DSCAML1: variants seen among roughly 807,000 people sequenced by gnomAD.
The protein encoded by DSCAML1 is cell adhesion molecule DSCAML1.
A neutral mutation model predicts 200.5 loss-of-function variants in DSCAML1; 38 were observed. The ratio of observed to expected loss-of-function variants is 0.19; its 90% CI spans 0.15 to 0.25. The LOEUF is 0.25. Ranked by LOEUF, DSCAML1 falls within the 10% of genes least tolerant of loss-of-function variation. The probability of loss-of-function intolerance (pLI) is 1.00; values close to 1 mark genes in which losing one functional copy is unlikely to be tolerated. For synonymous variants in DSCAML1, 1,215 were observed against 1,165.0 expected, an observed-to-expected ratio of 1.04 and a Z score of -0.87; for missense variants, 2,223 against 2,858.8, an observed-to-expected ratio of 0.78 and a Z score of 5.07.
chr11:117,632,011 G>T (rs60668211), intron 3 of DSCAML1, among the ~76,000 whole-genome samples: 58 of 152,078 alleles, frequency 3.8e-4, no homozygotes, highest in African/African-American at 1.4e-3. Flanking sequence ...GGAAGGACAC[G>T]TACAGCTCAC....
intron 3 of DSCAML1, among the ~76,000 whole-genome samples, chr11:117,581,284 T>G: frequency 6.6e-6 from 1 of 152,222 alleles, no homozygotes; most frequent in South Asian, 2.1e-4. Flanking sequence ...TTTACATGAA[T>G]GTATTATGTC....
chr11:117,460,787 T>C (rs584057), intron 18 of DSCAML1, among the ~76,000 whole-genome samples: 25,797 of 152,090 alleles, frequency 0.17, 2,470 homozygotes, highest in Admixed American at 0.25. Flanking sequence ...CTCTCTGCCC[T>C]TCTCTGGATC....
intron 3 of DSCAML1, among the ~76,000 whole-genome samples, chr11:117,769,651 G>A (rs1295722255): frequency 6.9e-6 from 1 of 145,394 alleles, no homozygotes; most frequent in East Asian, 2.0e-4. Context: ...AGATGATGGA[G>A]TCTGAATGCA....
intron 1 of DSCAML1, among the ~76,000 whole-genome samples, chr11:117,814,842 C>T (rs1462046767): frequency 6.6e-6 from 1 of 152,228 alleles, no homozygotes; most frequent in African/African-American, 2.4e-5. Flanking sequence ...CTGCGGCCTC[C>T]AGGCTACTCC....
At chr11:117,567,523 G>C (rs1266731952) in intron 3 of DSCAML1, among the ~76,000 whole-genome samples, 1 of 152,214 alleles carries the variant, frequency 6.6e-6, no homozygotes, top group South Asian at 2.1e-4. Context: ...CTCCCATTTT[G>C]TAGGTTGCCT....
At chr11:117,748,956 G>A (rs1204726655) in intron 3 of DSCAML1, among the ~76,000 whole-genome samples, 4 of 152,188 alleles carry the variant, frequency 2.6e-5, no homozygotes, top group South Asian at 4.1e-4. Context: ...AGAGCTTGGC[G>A]GGTAAGGCTC....
At chr11:117,630,314 G>A (rs537620207) in intron 3 of DSCAML1, among the ~76,000 whole-genome samples, 33 of 152,288 alleles carry the variant, frequency 2.2e-4, no homozygotes, top group Admixed American at 3.3e-4. Context: ...TCGAATGCAC[G>A]TCACATGCCT....
rs11607675 is a variant in DSCAML1 at position 117,463,062 on chromosome 11, G to C, written c.3266-1466C>G. Among the ~76,000 whole-genome samples, 1 of 152,226 alleles carries C rather than the reference G, an allele frequency of 6.6e-6. No individual in the cohort carries two copies. The highest frequency in any genetic ancestry group is 2.1e-4 in the South Asian group (1 of 4,816). Reference sequence around the variant, plus strand: ...GCGTTAGGTGGGGCAGGCTGGCCTCGGCTCAGCACGACTGTTCCCTGGACA... The same window carrying C: ...GCGTTAGGTGGGGCAGGCTGGCCTCCGCTCAGCACGACTGTTCCCTGGACA... On this transcript the variant is annotated intron_variant, in intron 17 of 32. Transcript: ENST00000651296. The surrounding 1 kb of genome is among the most constrained non-coding windows in gnomAD (Gnocchi z 4.0).
At chr11:117,627,873 G>A (rs1258959010) in intron 3 of DSCAML1, among the ~76,000 whole-genome samples, 1 of 151,998 alleles carries the variant, frequency 6.6e-6, no homozygotes, top group African/African-American at 2.4e-5. Context: ...CAGACTTCAT[G>A]AGTGTTGCAT....
chr11:117,481,403 G>T, intron 12 of DSCAML1, 133 bp from the exon 13 acceptor site: 1 of 793,824 alleles, frequency 1.3e-6, no homozygotes, highest in Non-Finnish European at 2.1e-6. Context: ...CAGGGGCTTT[G>T]TCAAGGGCTT....
At position 117,723,177 on chromosome 11, in the gene DSCAML1, G is replaced by A. The variant is rs1017161995; in HGVS notation, c.511+53614C>T. On this transcript the variant is annotated intron_variant, in intron 3 of 32. Transcript: ENST00000651296. ...TTAGCTGTTAGCTATTTTTTAAAAA[G>A]TATTACTACTATACTGGTATTTATT... is the stretch of plus-strand genomic sequence containing the variant. Among the ~76,000 whole-genome samples, 2 of 152,290 alleles carry A rather than the reference G, an allele frequency of 1.3e-5. 1 individual carries two copies. Among genetic ancestry groups the A allele is most frequent in the Non-Finnish European group, 2.9e-5 (2 of 68,032 alleles).
chr11:117,432,642 G>GTGAGACCCT, intron 29 of DSCAML1, 138 bp from the exon 30 acceptor site: 3 of 990,288 alleles, frequency 3.0e-6, no homozygotes, highest in African/African-American at 1.6e-5. Context: ...TTTGAGACAG[G>GTGAGACCCT]GTCTCACTCT....
intron 14 of DSCAML1, among the ~76,000 whole-genome samples, chr11:117,472,408 CAGTG>C (rs932729769): frequency 1.3e-5 from 2 of 152,222 alleles, no homozygotes; most frequent in African/African-American, 4.8e-5. Flanking sequence ...CCTGGTCTAA[CAGTG>C]AGACACCCCA....
chr11:117,803,608 T>G (rs1591524394), intron 1 of DSCAML1, among the ~76,000 whole-genome samples: 1 of 111,548 alleles, frequency 9.0e-6, no homozygotes, highest in Admixed American at 8.8e-5. Flanking sequence ...CCCTCAATGG[T>G]CTAAGCTTCC....
In DSCAML1 at chr11:117,505,581, G is replaced by A. The variant is rs997538419; in HGVS notation, c.1935C>T (p.Ile645=). Residue 645 remains isoleucine, a synonymous_variant, in exon 9 of 33, where the codon ATC becomes ATT. Coordinates refer to ENST00000651296, the MANE Select transcript of DSCAML1 (RefSeq NM_020693.4). This position sits in a 1 kb window ranked among gnomAD's most constrained non-coding sequence, Gnocchi z 6.7. The part of the protein sequence containing the change: ...QVIISGSGVT[I]ESKEFMSSLQ... ...GGGAGCTCATGAATTCCTTGCTCTC[G>A]ATGGTCACGCCCGAGCCTGAGATGA... 3.7e-6 allele frequency: 6 copies of A among 1,613,758 alleles called. No homozygotes were observed. Among genetic ancestry groups the A allele is most frequent in the South Asian group, 3.3e-5 (3 of 91,060 alleles).
intron 3 of DSCAML1, among the ~76,000 whole-genome samples, chr11:117,591,131 G>T (rs980029848): frequency 2.6e-5 from 4 of 152,072 alleles, no homozygotes; most frequent in African/African-American, 4.8e-5. Flanking sequence ...AGAAGAGGGG[G>T]TATTTAGAAC....
intron 3 of DSCAML1, among the ~76,000 whole-genome samples, chr11:117,577,624 T>C (rs1219785571): frequency 2.7e-5 from 4 of 149,646 alleles, no homozygotes; most frequent in African/African-American, 7.4e-5. Context: ...TGGAGTGCAG[T>C]GGTGCAATCT....
chr11:117,721,082 C>T (rs893408111), intron 3 of DSCAML1, among the ~76,000 whole-genome samples: 1 of 152,208 alleles, frequency 6.6e-6, no homozygotes, highest in African/African-American at 2.4e-5. Context: ...AACTGACTTG[C>T]TCAGAACCTC....
chr11:117,766,167 G>A (rs1019441889), intron 3 of DSCAML1, among the ~76,000 whole-genome samples: 2 of 152,294 alleles, frequency 1.3e-5, no homozygotes, highest in African/African-American at 2.4e-5. Context: ...ACAGGCCTCC[G>A]CACAGAACCG....
Sources: gnomAD v4.1 joint callset for allele counts (sites outside exome capture counted in the v4.1 genomes callset) on GRCh38, gnomAD v4.1.1 for gene constraint, Gnocchi (gnomAD v3.1) non-coding constraint, MANE v1.5 for transcripts, NCBI Gene and HGNC (gene_info 2026-07-23, HGNC 2026-07-21) for gene names.